LDAH: variants seen among roughly 807,000 people sequenced by gnomAD.
LDAH encodes the protein lipid droplet associated hydrolase.
Under a neutral mutation model 29.6 loss-of-function variants are expected in LDAH, and 26 were observed. That is an observed-to-expected ratio of 0.88 (90% CI 0.64 to 1.22). LDAH has a LOEUF of 1.22. Among genes scored for constraint, LDAH ranks in the 50% most tolerant of loss-of-function variants. The probability of loss-of-function intolerance (pLI) is 0.00; values close to 1 mark genes in which losing one functional copy is unlikely to be tolerated. For missense variants in LDAH, 344 were observed against 387.3 expected (o/e 0.89, Z 0.94); for synonymous variants, 117 against 133.0 (o/e 0.88, Z 0.83).
intron 5 of LDAH, among the ~76,000 whole-genome samples, chr2:20,717,729 G>C (rs1285801670): frequency 6.6e-6 from 1 of 152,118 alleles, no homozygotes; most frequent in South Asian, 2.1e-4. Context: ...TACATGTTTT[G>C]TATTTGTTTC....
intron 3 of LDAH, among the ~76,000 whole-genome samples, chr2:20,785,892 T>C (rs1475395380): frequency 1.1e-4 from 16 of 152,316 alleles, no homozygotes; most frequent in Non-Finnish European, 1.5e-5. Flanking sequence ...TACTGTCTGC[T>C]TGCATTACCC....
intron 1 of LDAH, among the ~76,000 whole-genome samples, chr2:20,820,773 A>G (rs1284785917): frequency 1.4e-5 from 2 of 140,882 alleles, no homozygotes; most frequent in Non-Finnish European, 3.0e-5. Flanking sequence ...ATGGGATCTA[A>G]TTTAACTAAA....
chr2:20,727,600 C>T (rs1483601948), intron 5 of LDAH, among the ~76,000 whole-genome samples: 4 of 152,062 alleles, frequency 2.6e-5, no homozygotes, highest in Non-Finnish European at 5.9e-5. Context: ...GCCTAACTAA[C>T]GAAAAGACCC....
chr2:20,762,495 C>T (rs1263916974), intron 4 of LDAH, among the ~76,000 whole-genome samples: 1 of 152,138 alleles, frequency 6.6e-6, no homozygotes, highest in East Asian at 1.9e-4. Flanking sequence ...ACATACACAA[C>T]ACAACTTTTC....
At position 20,774,862 on chromosome 2, in the gene LDAH, G is replaced by A. The variant is rs1572602854; in HGVS notation, c.416C>T (p.Ser139Leu). 6.2e-7 allele frequency: 1 copy of A among 1,613,514 alleles called. No individual in the cohort carries two copies. Among genetic ancestry groups the A allele is most frequent in the Non-Finnish European group, 8.5e-7 (1 of 1,179,976 alleles). The change falls in exon 4 of 7, where the codon TCA becomes TTA. Residue 139 changes from serine to leucine, a missense_variant. Physicochemically the swap from Ser to Leu is moderately radical, Grantham distance 145. Transcript: ENST00000237822. The stretch of plus-strand genomic sequence containing the variant: ...CTGAAGTGTGAAATAGCTGCCTATT[G>A]AATGGCCAATGAGCACAAGTTTCAT... Reference protein sequence around the residue: ...KDMKLVLIGHSIGSYFTLQML... With the variant: ...KDMKLVLIGHLIGSYFTLQML...
At chr2:20,728,512 C>T (rs1666173954) in intron 5 of LDAH, among the ~76,000 whole-genome samples, 1 of 148,334 alleles carries the variant, frequency 6.7e-6, no homozygotes, top group African/African-American at 2.5e-5. Context: ...CTGATCATCT[C>T]CCAAAGTCTT....
At chr2:20,726,162 G>A (rs1665999083) in intron 5 of LDAH, among the ~76,000 whole-genome samples, 1 of 152,222 alleles carries the variant, frequency 6.6e-6, no homozygotes, top group Admixed American at 6.5e-5. Flanking sequence ...GTGCTTAACT[G>A]CCTATCAGGC....
Position 20,685,812 on chromosome 2 carries a change from G to C in LDAH, c.*1091C>G, listed in dbSNP as rs1223805479. On this transcript the variant is annotated 3_prime_UTR_variant, in exon 7 of 7. Coordinates refer to ENST00000237822, the MANE Select transcript of LDAH (RefSeq NM_021925.4). The stretch of plus-strand genomic sequence containing the variant: ...TCTGCCATACCTCAATGTGTCTAGA[G>C]AAGGTGAATTCACATAACTTAATGG... 1.2e-6 allele frequency: 1 copy of C among 853,274 alleles called. No homozygotes were observed. The highest frequency in any genetic ancestry group is 1.7e-6 in the Non-Finnish European group (1 of 599,388). 52.9% of individuals were successfully genotyped at this position (853,274 alleles called of 1,614,324 possible).
At chr2:20,754,146 G>GA (rs1250823999) in intron 4 of LDAH, among the ~76,000 whole-genome samples, 33 of 151,536 alleles carry the variant, frequency 2.2e-4, no homozygotes, top group African/African-American at 7.0e-4. Context: ...ATATTGACAT[G>GA]AAAAAAAAGT....
intron 1 of LDAH, among the ~76,000 whole-genome samples, chr2:20,814,954 G>A (rs1672751058): frequency 6.6e-6 from 1 of 152,106 alleles, no homozygotes; most frequent in Non-Finnish European, 1.5e-5. Flanking sequence ...TGCTTCATCT[G>A]CTAATTACAG....
At chr2:20,806,110 T>C (rs137978825) in intron 1 of LDAH, among the ~76,000 whole-genome samples, 2 of 152,274 alleles carry the variant, frequency 1.3e-5, no homozygotes, top group Non-Finnish European at 2.9e-5. Flanking sequence ...TGTGTTGCAA[T>C]GTCCAAATAG....
intron 3 of LDAH, among the ~76,000 whole-genome samples, chr2:20,787,173 T>C (rs919532643): frequency 6.6e-6 from 1 of 152,234 alleles, no homozygotes; most frequent in African/African-American, 2.4e-5. Context: ...TAGTGTCTTC[T>C]ACAATCTTCA....
intron 2 of LDAH, among the ~76,000 whole-genome samples, chr2:20,797,572 A>G (rs748417436): frequency 6.6e-6 from 1 of 152,074 alleles, no homozygotes; most frequent in African/African-American, 2.4e-5. Context: ...AAAACCTCTC[A>G]GTCCTAGGCA....
At chr2:20,726,065 G>C (rs140641529) in intron 5 of LDAH, among the ~76,000 whole-genome samples, 1 of 152,308 alleles carries the variant, frequency 6.6e-6, no homozygotes, top group Non-Finnish European at 1.5e-5. Flanking sequence ...GTTATCTATA[G>C]TCAAACTCAA....
chr2:20,768,310 CT>C (rs1335972371), intron 4 of LDAH, among the ~76,000 whole-genome samples: 1 of 152,200 alleles, frequency 6.6e-6, no homozygotes, highest in African/African-American at 2.4e-5. Context: ...AGAGCTGTGA[CT>C]CCCTCTTTGG....
At chr2:20,721,882 T>C (rs1665673915) in intron 5 of LDAH, among the ~76,000 whole-genome samples, 5 of 152,200 alleles carry the variant, frequency 3.3e-5, no homozygotes, top group Admixed American at 3.3e-4. Context: ...AAGATACTAA[T>C]GAATCTAAGT....
At chr2:20,732,903 A>G (rs1463974609) in intron 5 of LDAH, among the ~76,000 whole-genome samples, 4 of 100,678 alleles carry the variant, frequency 4.0e-5, no homozygotes, top group South Asian at 5.7e-4. Context: ...GGGTCTCACT[A>G]TGTCGCCTAG....
intron 5 of LDAH, among the ~76,000 whole-genome samples, chr2:20,705,834 T>G (rs1259820490): frequency 6.6e-6 from 1 of 152,204 alleles, no homozygotes; most frequent in Non-Finnish European, 1.5e-5. Flanking sequence ...CTTTAAAATT[T>G]TATTGTTAAG....
chr2:20,792,005 A>G (rs1670994526), intron 2 of LDAH, among the ~76,000 whole-genome samples: 1 of 152,068 alleles, frequency 6.6e-6, no homozygotes, highest in Non-Finnish European at 1.5e-5. Flanking sequence ...TTTAAGTGTT[A>G]ACAGGTAGGG....
Sources: allele counts gnomAD v4.1 joint callset (sites outside exome capture counted in the v4.1 genomes callset), GRCh38; gene constraint gnomAD v4.1.1; transcripts MANE v1.5; gene names NCBI Gene and HGNC (gene_info 2026-07-23, HGNC 2026-07-21).